FSTL5: variants seen among roughly 807,000 people sequenced by gnomAD.
FSTL5 encodes follistatin-related protein 5.
A neutral mutation model predicts 89.1 loss-of-function variants in FSTL5; 62 were observed. The ratio of observed to expected loss-of-function variants is 0.70; its 90% CI spans 0.57 to 0.86. The LOEUF is 0.86. FSTL5 is among the 40% of genes least tolerant of loss of function. FSTL5 has a pLI of 0.00. For synonymous variants in FSTL5, 383 were observed against 346.2 expected (o/e 1.11, Z -1.18); for missense variants, 1,057 against 1,001.6 (o/e 1.06, Z -0.75).
In FSTL5 at chr4:161,385,809, A is replaced by G; in HGVS notation, c.2482T>C (p.Leu828=). 6.2e-7 allele frequency: 1 copy of G among 1,612,158 alleles called. No homozygotes were observed. Among genetic ancestry groups the G allele is most frequent in the Non-Finnish European group, 8.5e-7 (1 of 1,179,478 alleles). ...LFILDGRLNK[L]NCEITEVEKG... is the part of the protein sequence containing the mutation. ...TCAACTTCAGTGATCTCACAGTTTA[A>G]TTTATTGAGTCGTCCATCTAGGATG... The change falls in exon 16 of 16, where the codon TTA becomes CTA. Residue 828 remains leucine (L), a synonymous_variant. Coordinates refer to ENST00000306100, the MANE Select transcript of FSTL5 (RefSeq NM_020116.5).
At chr4:161,776,689 T>G (rs9683535) in intron 4 of FSTL5, among the ~76,000 whole-genome samples, 3 of 151,278 alleles carry the variant, frequency 2.0e-5, no homozygotes, top group African/African-American at 4.9e-5. Flanking sequence ...TTTAAAAAAA[T>G]TTTTAGTTGT....
intron 2 of FSTL5, among the ~76,000 whole-genome samples, chr4:162,096,525 T>C (rs1219384513): frequency 6.6e-6 from 1 of 151,808 alleles, no homozygotes; most frequent in East Asian, 1.9e-4. Flanking sequence ...AATTTCTTGG[T>C]CATACCCAAG....
intron 3 of FSTL5, among the ~76,000 whole-genome samples, chr4:161,953,148 C>T (rs572167027): frequency 7.3e-5 from 11 of 151,654 alleles, no homozygotes; most frequent in African/African-American, 2.4e-4. Flanking sequence ...TAAGTAGGTC[C>T]TTCAGAGCAT....
At position 161,710,394 on chromosome 4, in the gene FSTL5, T is replaced by C. The variant is rs535700895; in HGVS notation, c.727+49017A>G. ...ATAGCAGAATTAACTCAAAATGGCA[T>C]ACAAAAATAGGAAGAATTGCTTTCT... On this transcript the variant is annotated intron_variant, in intron 6 of 15. Transcript: ENST00000306100. Among the ~76,000 whole-genome samples, 5 of 152,320 alleles carry C rather than the reference T, an allele frequency of 3.3e-5. No individual in the cohort carries two copies. The East Asian group carries it at 7.7e-4, about 24-fold the overall frequency.
At chr4:161,538,051 T>C (rs1731688946) in intron 10 of FSTL5, 115 bp downstream of exon 10, 1 of 867,832 alleles carries the variant, frequency 1.2e-6, no homozygotes, top group Non-Finnish European at 1.8e-6. Flanking sequence ...AAAATCTATT[T>C]GTTATAATGC....
intron 12 of FSTL5, among the ~76,000 whole-genome samples, chr4:161,498,145 A>T (rs1418412370): frequency 6.6e-6 from 1 of 152,014 alleles, no homozygotes; most frequent in African/African-American, 2.4e-5. Flanking sequence ...TACATAGAGA[A>T]ATAATATGTG....
At chr4:162,137,015 G>A (rs1381483783) in intron 1 of FSTL5, among the ~76,000 whole-genome samples, 1 of 151,968 alleles carries the variant, frequency 6.6e-6, no homozygotes, top group African/African-American at 2.4e-5. Flanking sequence ...AGGCAACCCA[G>A]TTACATATAG....
chr4:161,979,414 T>G (rs1735753188), intron 3 of FSTL5, among the ~76,000 whole-genome samples: 1 of 152,140 alleles, frequency 6.6e-6, no homozygotes, highest in South Asian at 2.1e-4. Flanking sequence ...ATACTGACAT[T>G]TACTTGATTC....
At chr4:161,914,042 C>G (rs963434199) in intron 4 of FSTL5, among the ~76,000 whole-genome samples, 1 of 151,958 alleles carries the variant, frequency 6.6e-6, no homozygotes, top group African/African-American at 2.4e-5. Flanking sequence ...TTGGAGGGAC[C>G]AGGGGTGGAA....
chr4:161,999,835 T>C (rs1419097621), intron 3 of FSTL5, among the ~76,000 whole-genome samples: 1 of 152,180 alleles, frequency 6.6e-6, no homozygotes, highest in Non-Finnish European at 1.5e-5. Flanking sequence ...ACAATTCACA[T>C]GAAAACCATC....
At chr4:161,851,193 A>G (rs1419408965) in intron 4 of FSTL5, among the ~76,000 whole-genome samples, 2 of 152,208 alleles carry the variant, frequency 1.3e-5, no homozygotes, top group Non-Finnish European at 2.9e-5. Context: ...TTAGGCCATG[A>G]TAATTAGCTA....
chr4:162,089,595 T>C (rs1197767584), intron 2 of FSTL5, among the ~76,000 whole-genome samples: 2 of 128,778 alleles, frequency 1.6e-5, no homozygotes, highest in African/African-American at 3.1e-5. Context: ...ATTAAGCCAC[T>C]GAACTCCAGC....
chr4:161,778,239 T>G (rs1435256090), intron 4 of FSTL5, among the ~76,000 whole-genome samples: 3 of 152,238 alleles, frequency 2.0e-5, no homozygotes, highest in Non-Finnish European at 4.4e-5. Context: ...TGAAATGGCA[T>G]GTATACTGCT....
chr4:161,450,252 G>T (rs947475236), intron 15 of FSTL5, among the ~76,000 whole-genome samples: 7 of 152,112 alleles, frequency 4.6e-5, no homozygotes, highest in Non-Finnish European at 1.0e-4. Flanking sequence ...ACATGTAACT[G>T]CCAGACCTAT....
At chr4:161,694,309 T>A (rs1738058321) in intron 6 of FSTL5, among the ~76,000 whole-genome samples, 1 of 152,148 alleles carries the variant, frequency 6.6e-6, no homozygotes, top group Admixed American at 6.5e-5. Flanking sequence ...CTTTAATATA[T>A]CTGATGGTAG....
intron 13 of FSTL5, 111 bp downstream of exon 13, chr4:161,480,909 C>A: frequency 4.4e-6 from 3 of 689,558 alleles, no homozygotes; most frequent in Non-Finnish European, 4.7e-6. Context: ...TCTAGTTATC[C>A]AAGTAAGGAA....
chr4:162,068,582 AAAAACTAT>A (rs1292836030), intron 2 of FSTL5, among the ~76,000 whole-genome samples: 1 of 151,842 alleles, frequency 6.6e-6, no homozygotes, highest in East Asian at 1.9e-4. Context: ...ACGTAAAATC[AAAAACTAT>A]AAAAACCCAG....
intron 4 of FSTL5, among the ~76,000 whole-genome samples, chr4:161,799,459 A>G (rs919780053): frequency 1.3e-5 from 2 of 151,718 alleles, no homozygotes; most frequent in Non-Finnish European, 3.0e-5. Flanking sequence ...AAAAAATAAA[A>G]GATTTTTGCC....
intron 15 of FSTL5, among the ~76,000 whole-genome samples, chr4:161,405,163 GC>G (rs1731326606): frequency 6.6e-6 from 1 of 151,812 alleles, no homozygotes; most frequent in Non-Finnish European, 1.5e-5. Flanking sequence ...AACCCGGGAG[GC>G]AGAAGTTGCA....
Sources: gnomAD v4.1 joint callset for allele counts (sites outside exome capture counted in the v4.1 genomes callset) on GRCh38, gnomAD v4.1.1 for gene constraint, MANE v1.5 for transcripts, NCBI Gene and HGNC (gene_info 2026-07-23, HGNC 2026-07-21) for gene names.